METTL6: variants seen among roughly 807,000 people sequenced by gnomAD.
METTL6 encodes tRNA N(3)-cytidine methyltransferase METTL6.
A neutral mutation model predicts 26.4 loss-of-function variants in METTL6; 22 were observed. The observed-to-expected ratio is 0.83, with a 90% CI of 0.59 to 1.19. The LOEUF (loss-of-function observed/expected upper bound fraction) is 1.19, where lower values mean the gene tolerates loss of function less well. Among genes scored for constraint, METTL6 ranks in the 50% most tolerant of loss-of-function variants. METTL6 has a pLI of 0.00. For synonymous variants in METTL6, 109 were observed against 116.2 expected (o/e 0.94, Z 0.40); for missense variants, 304 against 324.8 (o/e 0.94, Z 0.49).
At chr3:15,421,736 C>T (rs562575304) in intron 3 of METTL6, among the ~76,000 whole-genome samples, 390 of 152,094 alleles carry the variant, frequency 2.6e-3, no homozygotes, top group Non-Finnish European at 4.8e-3. Flanking sequence ...ATAGTGAAAC[C>T]CTGTCTGTAC....
chr3:15,419,987 G>A (rs996729474), intron 3 of METTL6, among the ~76,000 whole-genome samples: 2 of 150,648 alleles, frequency 1.3e-5, no homozygotes, highest in Non-Finnish European at 2.9e-5. Flanking sequence ...TCAGCCTCCC[G>A]AGTAGCTGGG....
At chr3:15,391,869 G>A (rs2124904591) in intron 6 of METTL6, among the ~76,000 whole-genome samples, 1 of 152,170 alleles carries the variant, frequency 6.6e-6, no homozygotes, top group Middle Eastern at 3.4e-3. Flanking sequence ...TAGTGTATAT[G>A]CACCACATTT....
intron 2 of METTL6, among the ~76,000 whole-genome samples, chr3:15,426,060 C>T (rs2061713644): frequency 6.6e-6 from 1 of 152,192 alleles, no homozygotes; most frequent in South Asian, 2.1e-4. Context: ...CCTGCCTCAG[C>T]CTTCCAAGTA....
chr3:15,408,154 AACT>A (rs1214007608), downstream of METTL6, among the ~76,000 whole-genome samples: 2 of 152,310 alleles, frequency 1.3e-5, no homozygotes, highest in East Asian at 3.9e-4. Context: ...ATAGAAGAAA[AACT>A]ACTCTCTGGT....
intron 6 of METTL6, among the ~76,000 whole-genome samples, chr3:15,389,709 C>T (rs1429482721): frequency 6.6e-6 from 1 of 152,020 alleles, no homozygotes; most frequent in Non-Finnish European, 1.5e-5. Context: ...GCCACCACGC[C>T]CGGCTAATTT....
intron 3 of METTL6, among the ~76,000 whole-genome samples, chr3:15,421,716 C>A (rs995114081): frequency 2.0e-5 from 3 of 151,990 alleles, no homozygotes; most frequent in African/African-American, 4.8e-5. Context: ...TCAAGACCAG[C>A]CTGTCCAACA....
At chr3:15,402,717 CAG>C (rs1699680974) in intron 6 of METTL6, among the ~76,000 whole-genome samples, 1 of 122,092 alleles carries the variant, frequency 8.2e-6, no homozygotes, top group South Asian at 2.5e-4. Flanking sequence ...GCCTGGGAAA[CAG>C]AGTGAGATTC....
intron 4 of METTL6, chr3:15,415,028 CA>C: frequency 9.4e-7 from 1 of 1,063,770 alleles, no homozygotes; most frequent in Non-Finnish European, 1.2e-6. Flanking sequence ...AAACTGTATT[CA>C]ACTGTCTCTT....
Position 15,396,439 on chromosome 3 carries a change from C to T in METTL6, c.*12-12252G>A, listed in dbSNP as rs576400248. On this transcript the variant is annotated intron_variant, in intron 6 of 6. Transcript: ENST00000443029. ...ACTTCTTTGCCATGGGTTCGAACTTCCTCCTTTAGCTCAGAGTAGTTTGAT... is the reference window on the plus strand; with the variant it reads ...ACTTCTTTGCCATGGGTTCGAACTTTCTCCTTTAGCTCAGAGTAGTTTGAT... Among the ~76,000 whole-genome samples, 3 of 152,280 alleles carry T rather than the reference C, an allele frequency of 2.0e-5. No individual in the cohort carries two copies. The South Asian group carries it at 6.2e-4, about 32-fold the overall frequency.
exon 7 of METTL6, chr3:15,381,425 AAG>A (rs1699081836): frequency 6.6e-6 from 1 of 152,188 alleles, no homozygotes; most frequent in South Asian, 2.1e-4. Flanking sequence ...TGAGGTCAAG[AAG>A]TGGCCAGTGA....
intron 3 of METTL6, among the ~76,000 whole-genome samples, chr3:15,416,729 G>GT (rs2124999772): frequency 6.6e-6 from 1 of 152,200 alleles, no homozygotes; most frequent in Non-Finnish European, 1.5e-5. Flanking sequence ...TGTGTTCCTG[G>GT]TACATTTTGG....
chr3:15,404,664 T>TTCTATTTA, intron 6 of METTL6, among the ~76,000 whole-genome samples: 1 of 152,036 alleles, frequency 6.6e-6, no homozygotes, highest in African/African-American at 2.4e-5. Context: ...ATTTTTAAAT[T>TTCTATTTA]TTTATTTATT....
intron 3 of METTL6, among the ~76,000 whole-genome samples, chr3:15,418,707 G>A (rs2061546089): frequency 2.0e-5 from 3 of 152,082 alleles, no homozygotes. Context: ...CCAAAAATTA[G>A]TAAGAGCAAT....
intron 6 of METTL6, among the ~76,000 whole-genome samples, chr3:15,393,883 G>A (rs536256594): frequency 8.5e-4 from 130 of 152,280 alleles, no homozygotes; most frequent in Non-Finnish European, 1.6e-3. Flanking sequence ...TTGATATGCT[G>A]CTGGATTCAG....
chr3:15,393,880 G>A (rs1202477768), intron 6 of METTL6, among the ~76,000 whole-genome samples: 2 of 152,202 alleles, frequency 1.3e-5, no homozygotes, highest in African/African-American at 2.4e-5. Flanking sequence ...TTTTTGATAT[G>A]CTGCTGGATT....
chr3:15,425,312 T>C (rs1340643771), intron 2 of METTL6, among the ~76,000 whole-genome samples: 2 of 152,058 alleles, frequency 1.3e-5, no homozygotes, highest in Admixed American at 1.3e-4. Flanking sequence ...GGCTCTGGAG[T>C]TAAACTGCCA....
chr3:15,412,652 A>AT (rs537567345), intron 5 of METTL6, among the ~76,000 whole-genome samples: 7,967 of 143,428 alleles, frequency 0.056, 232 homozygotes, highest in East Asian at 0.082. Context: ...CCTGGCTAAT[A>AT]TTTTTTTTTT....
intron 6 of METTL6, among the ~76,000 whole-genome samples, chr3:15,395,228 G>A (rs1699454947): frequency 6.6e-6 from 1 of 152,200 alleles, no homozygotes; most frequent in African/African-American, 2.4e-5. Context: ...TCTTCTTGCT[G>A]AATTGATCCC....
At chr3:15,401,140 C>T (rs1475018231) in intron 6 of METTL6, among the ~76,000 whole-genome samples, 6 of 152,070 alleles carry the variant, frequency 3.9e-5, no homozygotes, top group East Asian at 1.9e-4. Flanking sequence ...TCCGGGTTCA[C>T]GCCATTCTCC....
Sources: allele counts gnomAD v4.1 joint callset (sites outside exome capture counted in the v4.1 genomes callset), GRCh38; gene constraint gnomAD v4.1.1; transcripts MANE v1.5; gene names NCBI Gene and HGNC (gene_info 2026-07-23, HGNC 2026-07-21).